CD99L2: variants seen among roughly 807,000 people sequenced by gnomAD.
The protein encoded by CD99L2 is CD99 molecule like 2.
Under a neutral mutation model 27.3 loss-of-function variants are expected in CD99L2, and 24 were observed. The observed-to-expected ratio is 0.88, with a 90% CI of 0.64 to 1.24. The LOEUF (loss-of-function observed/expected upper bound fraction) is 1.24. CD99L2 is among the 50% of genes most tolerant of loss of function. The probability of loss-of-function intolerance (pLI) is 0.00; values close to 1 mark genes in which losing one functional copy is unlikely to be tolerated. For missense variants in CD99L2, 255 were observed against 221.6 expected, an observed-to-expected ratio of 1.15 and a Z score of -0.96; for synonymous variants, 97 against 87.9, an observed-to-expected ratio of 1.10 and a Z score of -0.58.
At chrX:150,774,148 C>T (rs782192160) in intron 9 of CD99L2, among the ~76,000 whole-genome samples, 22 of 111,771 alleles carry the variant, frequency 2.0e-4, no homozygotes, top group Non-Finnish European at 4.1e-4. Flanking sequence ...AATAAATATT[C>T]GTTCAATGAC....
chrX:150,898,309 C>A (rs959978817), intron 1 of CD99L2, among the ~76,000 whole-genome samples: 1 of 112,122 alleles, frequency 8.9e-6, no homozygotes, highest in Admixed American at 9.3e-5. Flanking sequence ...AGGGGACCCA[C>A]CCCTCCTCTC....
chrX:150,784,090 C>T (rs782091924), intron 7 of CD99L2, among the ~76,000 whole-genome samples: 1 of 111,096 alleles, frequency 9.0e-6, no homozygotes, highest in East Asian at 2.8e-4. Context: ...CCTTAAGGAG[C>T]ACAGAAGGAA....
Position 150,777,483 on chromosome X carries a change from C to G in CD99L2, c.497-1G>C, listed in dbSNP as rs782452354. ...TCATTGCTGCCGTACCGGCCATCAC[C>G]TGAAGAAAAGACAAAAGCACTTAGT... On this transcript the variant is annotated splice_acceptor_variant, in intron 7 of 10. Transcript: ENST00000370377. LOFTEE classifies it high-confidence loss of function. 21 of 1,209,401 alleles carry G rather than the reference C, an allele frequency of 1.7e-5. No individual in the cohort carries two copies. The South Asian group carries it at 3.5e-4, about 20-fold the overall frequency.
chrX:150,801,494 C>T (rs1159728482), intron 4 of CD99L2, among the ~76,000 whole-genome samples: 2 of 111,366 alleles, frequency 1.8e-5, no homozygotes, highest in African/African-American at 6.6e-5. Context: ...ATCGTGAGAA[C>T]AGCATGGGGA....
chrX:150,771,378 TG>T (rs2043451793), intron 9 of CD99L2, among the ~76,000 whole-genome samples: 1 of 111,901 alleles, frequency 8.9e-6, no homozygotes, highest in South Asian at 3.7e-4. Flanking sequence ...GCGGGGCAGG[TG>T]ATGAGTGCAG....
intron 4 of CD99L2, among the ~76,000 whole-genome samples, chrX:150,795,854 A>C (rs1256618389): frequency 8.9e-6 from 1 of 112,088 alleles, no homozygotes; most frequent in Admixed American, 9.5e-5. Context: ...CTTGAACTAT[A>C]GCTAATCCTG....
At chrX:150,792,711 AC>A (rs1319711750) in intron 7 of CD99L2, among the ~76,000 whole-genome samples, 1 of 111,941 alleles carries the variant, frequency 8.9e-6, no homozygotes, top group East Asian at 2.8e-4. Flanking sequence ...ACAGGTTACA[AC>A]CAGGGTTACC....
chrX:150,812,219 T>C (rs2046082797), intron 4 of CD99L2, among the ~76,000 whole-genome samples: 1 of 111,287 alleles, frequency 9.0e-6, no homozygotes. Flanking sequence ...CTGAACATCA[T>C]CAAAATCTAA....
chrX:150,793,623 T>G (rs1016629372), intron 7 of CD99L2, 68 bp downstream of exon 7: 30 of 928,308 alleles, frequency 3.2e-5, no homozygotes, highest in Non-Finnish European at 4.1e-5. Context: ...GCTCAATTAA[T>G]CTGGTTGCTG....
intron 5 of CD99L2, 50 bp downstream of exon 5, chrX:150,795,368 A>G (rs1557419872): frequency 6.7e-6 from 8 of 1,202,983 alleles, no homozygotes; most frequent in African/African-American, 1.8e-5. Context: ...TCTCAGAGGG[A>G]GCCCCATGGG....
intron 7 of CD99L2, among the ~76,000 whole-genome samples, chrX:150,784,466 A>G (rs2045563572): frequency 8.9e-6 from 1 of 111,734 alleles, no homozygotes; most frequent in Non-Finnish European, 1.9e-5. Flanking sequence ...CCCTTCTCAC[A>G]AAAATCATCC....
chrX:150,840,700 A>G (rs11798359), intron 1 of CD99L2, among the ~76,000 whole-genome samples: 32,386 of 111,574 alleles, frequency 0.29, 3,686 homozygotes, highest in African/African-American at 0.42. Context: ...GAGCCACTGC[A>G]CCCAGTCAAG....
In CD99L2 at chrX:150,791,741, G is replaced by A. The variant is rs149408763; in HGVS notation, c.496+1950C>T. On this transcript the variant is annotated intron_variant, in intron 7 of 10. Coordinates refer to ENST00000370377, the MANE Select transcript of CD99L2 (RefSeq NM_031462.4). ...GGCTGGGCAGGAAGGAAATAAGGGCGGAGGAGGAGGGCTTATAGGCCATCA... is the reference window on the plus strand; with the variant it reads ...GGCTGGGCAGGAAGGAAATAAGGGCAGAGGAGGAGGGCTTATAGGCCATCA... Among the ~76,000 whole-genome samples, 1,057 of 110,991 alleles carry A rather than the reference G, an allele frequency of 9.5e-3. 18 individuals carry two copies. Among genetic ancestry groups the A allele is most frequent in the African/African-American group, 0.033 (1,002 of 30,464 alleles).
chrX:150,786,218 T>G (rs781783113), intron 7 of CD99L2, among the ~76,000 whole-genome samples: 1 of 110,535 alleles, frequency 9.0e-6, no homozygotes, highest in Non-Finnish European at 1.9e-5. Flanking sequence ...TGATTTTGGT[T>G]TTTTTTTTTA....
intron 1 of CD99L2, among the ~76,000 whole-genome samples, chrX:150,889,413 G>A (rs913102829): frequency 9.0e-6 from 1 of 111,021 alleles, no homozygotes. Flanking sequence ...TTGCCCTTAG[G>A]CTGAAAGAAA....
chrX:150,890,670 T>C (rs1297894362), intron 1 of CD99L2, among the ~76,000 whole-genome samples: 1 of 97,173 alleles, frequency 1.0e-5, no homozygotes, highest in Non-Finnish European at 2.0e-5. Flanking sequence ...GCCACAGCAC[T>C]GGTAAGGGCA....
At chrX:150,788,069 T>C (rs186658073) in intron 7 of CD99L2, among the ~76,000 whole-genome samples, 1 of 107,970 alleles carries the variant, frequency 9.3e-6, no homozygotes, top group African/African-American at 3.4e-5. Flanking sequence ...GCTGTTTTGG[T>C]TACTGTAGCA....
intron 4 of CD99L2, among the ~76,000 whole-genome samples, chrX:150,799,355 C>G (rs1557420023): frequency 3.8e-5 from 4 of 104,059 alleles, no homozygotes; most frequent in African/African-American, 1.4e-4. Flanking sequence ...AAAACAACAA[C>G]AAAACACAAA....
intron 7 of CD99L2, among the ~76,000 whole-genome samples, chrX:150,782,551 T>C (rs1211179622): frequency 8.9e-6 from 1 of 112,249 alleles, no homozygotes; most frequent in East Asian, 2.8e-4. Context: ...ACAAAAGCCA[T>C]GTTCACGCCG....
Sources: gnomAD v4.1 joint callset for allele counts (sites outside exome capture counted in the v4.1 genomes callset) on GRCh38, gnomAD v4.1.1 for gene constraint, MANE v1.5 for transcripts, NCBI Gene and HGNC (gene_info 2026-07-23, HGNC 2026-07-21) for gene names.